Variants in MMP10 observed in about 807,000 individuals in gnomAD.
MMP10 encodes matrix metallopeptidase 10.
A neutral mutation model predicts 49.1 loss-of-function variants in MMP10; 50 were observed. The ratio of observed to expected loss-of-function variants is 1.02; its 90% CI spans 0.81 to 1.29. The LOEUF (loss-of-function observed/expected upper bound fraction) is 1.29, where lower values mean the gene tolerates loss of function less well. MMP10 is among the 50% of genes most tolerant of loss of function. The pLI is 0.00. For synonymous variants in MMP10, 229 were observed against 201.6 expected (o/e 1.14, Z -1.15); for missense variants, 613 against 563.8 (o/e 1.09, Z -0.88).
In MMP10 at chr11:102,772,869, A is replaced by C; in HGVS notation, c.1204T>G (p.Phe402Val). Residue 402 changes from phenylalanine (F) to valine (V), a missense_variant, in exon 8 of 10, where the codon TTT becomes GTT. Transcript: ENST00000279441. This position sits in a 1 kb window ranked among gnomAD's most constrained non-coding sequence, Gnocchi z 4.4. ...CACCTCCAGTATTTGTCCGCTGCAA[A>C]GAAGTATGTTTTCTTCTTTTCCTTG... The part of the protein sequence containing the change: ...SDKEKKKTYF[F>V]AADKYWRFDE... 1 of 1,612,542 alleles carries C rather than the reference A, an allele frequency of 6.2e-7. No individual in the cohort carries two copies. The highest frequency in any genetic ancestry group is 8.5e-7 in the Non-Finnish European group (1 of 1,179,422).
chr11:102,779,293 A>C lies in MMP10; in HGVS notation c.416T>G (p.Val139Gly). The C allele has an allele frequency of 6.2e-7, 1 of 1,614,114 alleles. No individual in the cohort carries two copies. Among genetic ancestry groups the C allele is most frequent in the Non-Finnish European group, 8.5e-7 (1 of 1,180,002 alleles). The change falls in exon 3 of 10, where the codon GTC becomes GGC. Residue 139 changes from valine to glycine, a missense_variant. Coordinates refer to ENST00000279441, the MANE Select transcript of MMP10 (RefSeq NM_002425.3). Reference sequence around the variant, plus strand: ...TGTGAGTGGAGTCACCTCTTCCCAGACTTTCAGAGCTTTCTCAATGGCAGA... The same window carrying C: ...TGTGAGTGGAGTCACCTCTTCCCAGCCTTTCAGAGCTTTCTCAATGGCAGA... ...VDSAIEKALK[V>G]WEEVTPLTFS...
intron 4 of MMP10, 119 bp from the exon 5 acceptor site, chr11:102,776,895 T>G: frequency 2.5e-6 from 3 of 1,197,976 alleles, no homozygotes; most frequent in Non-Finnish European, 3.6e-6. Context: ...TCAGTATTTG[T>G]GGATTGGTTC....
In MMP10 at chr11:102,775,306, T is replaced by C. The variant is rs146089838; in HGVS notation, c.948A>G (p.Arg316=). The C allele has an allele frequency of 2.4e-3, 3,839 of 1,608,278 alleles. 5 individuals are homozygous for C. Among genetic ancestry groups the C allele is most frequent in the Non-Finnish European group, 3.1e-3 (3,615 of 1,177,250 alleles). ...LFFKDRYFWR[R]SHWNPEPEFH... is the part of the protein sequence containing the mutation. ...ATTCAGGTTCAGGGTTCCAGTGGGA[T>C]CTTCGCCAAAAATATCTGTAATACA... The change falls in exon 7 of 10, where the codon AGA becomes AGG. Residue 316 remains arginine (R), a synonymous_variant. Coordinates refer to ENST00000279441, the MANE Select transcript of MMP10 (RefSeq NM_002425.3).
At position 102,775,327 on chromosome 11, in the gene MMP10, A is replaced by G. The variant is rs41371849; in HGVS notation, c.933-6T>C. The G allele has an allele frequency of 8.6e-5, 136 of 1,580,838 alleles. 1 individual carries two copies. In the East Asian group the frequency reaches 3.1e-3, roughly 36 times the overall value. On this transcript the variant is annotated splice_region_variant and splice_polypyrimidine_tract_variant and intron_variant, in intron 6 of 9. Transcript: ENST00000279441. ...GGGATCTTCGCCAAAAATATCTGTA[A>G]TACATAAAATTACTTGCAATTGTCT...
rs1305532694 is a variant in MMP10 at position 102,778,655 on chromosome 11, A to G, written c.591T>C (p.Asp197=). The part of the protein sequence containing the change: ...GPGLYGDIHF[D]DDEKWTEDAS... ...CATCTTCTGTCCATTTTTCATCATC[A>G]TCAAAGTGAATATCTCCATAAAGCC... The change falls in exon 4 of 10, where the codon GAT becomes GAC. Residue 197 remains aspartate (D), a synonymous_variant. Transcript: ENST00000279441. 2.5e-6 allele frequency: 4 copies of G among 1,613,830 alleles called. No individual in the cohort carries two copies. Among genetic ancestry groups the G allele is most frequent in the Admixed American group, 3.3e-5 (2 of 59,956 alleles).
intron 4 of MMP10, 92 bp downstream of exon 4, chr11:102,778,532 A>G: frequency 2.0e-6 from 3 of 1,507,776 alleles, no homozygotes; most frequent in Non-Finnish European, 2.7e-6. Flanking sequence ...TTACTAGTAT[A>G]TTCGATTTAT....
At chr11:102,778,517 T>A (rs1015785620) in intron 4 of MMP10, 107 bp downstream of exon 4, 4 of 1,390,812 alleles carry the variant, frequency 2.9e-6, no homozygotes, top group African/African-American at 2.9e-5. Flanking sequence ...AATAAAAAAA[T>A]TCAGTTACTA....
chr11:102,778,774 A>G (rs1189104475), intron 3 of MMP10, 25 bp from the exon 4 acceptor site: 6 of 1,612,080 alleles, frequency 3.7e-6, no homozygotes, highest in Non-Finnish European at 2.5e-6. Context: ...ATTAATGGAA[A>G]TATAAGTGTT....
chr11:102,773,472 A>C (rs1861994086), intron 7 of MMP10, among the ~76,000 whole-genome samples: 1 of 152,134 alleles, frequency 6.6e-6, no homozygotes, highest in Non-Finnish European at 1.5e-5. Context: ...ATAAAATCCC[A>C]TCAATCTCTC....
Position 102,770,845 on chromosome 11 carries a change from T to C in MMP10, c.1379A>G (p.Asn460Ser). The change falls in exon 10 of 10, where the codon AAT (asparagine) becomes AGT (serine). Residue 460 changes from asparagine (N) to serine (S), a missense_variant. Coordinates refer to ENST00000279441, the MANE Select transcript of MMP10 (RefSeq NM_002425.3). ...TAATATGTGTGTCACCATCCTGGCA[T>C]TGGGGTCAAACTCAAACTGTGATGA... The part of the protein sequence containing the change: ...SGSSQFEFDP[N>S]ARMVTHILKS... 1.2e-6 allele frequency: 2 copies of C among 1,613,304 alleles called. No individual in the cohort carries two copies. The highest frequency in any genetic ancestry group is 1.7e-6 in the Non-Finnish European group (2 of 1,179,602).
intron 4 of MMP10, 142 bp from the exon 5 acceptor site, chr11:102,776,918 AT>A: frequency 1.1e-6 from 1 of 952,316 alleles, no homozygotes; most frequent in South Asian, 1.5e-5. Context: ...TGATTGGCAC[AT>A]TCCATACTTT....
intron 4 of MMP10, 44 bp from the exon 5 acceptor site, chr11:102,776,820 TC>T: frequency 6.2e-7 from 1 of 1,610,972 alleles, no homozygotes; most frequent in Non-Finnish European, 8.5e-7. Flanking sequence ...AGCTCTTTCT[TC>T]CATAAATACA....
Position 102,776,311 on chromosome 11 carries a change from G to C in MMP10, c.901C>G (p.Leu301Val). 1 of 1,613,826 alleles carries C rather than the reference G, an allele frequency of 6.2e-7. No homozygotes were observed. The highest frequency in any genetic ancestry group is 8.5e-7 in the Non-Finnish European group (1 of 1,179,834). Residue 301 changes from leucine (L) to valine (V), a missense_variant, in exon 6 of 10, where the codon CTG (leucine) becomes GTG (valine). Coordinates refer to ENST00000279441, the MANE Select transcript of MMP10 (RefSeq NM_002425.3). ...PALSFDAIST[L>V]RGEYLFFKDR... ...TTAAAGAACAGATATTCTCCCCTCA[G>C]AGTGCTGATGGCATCGAAGGACAAA... is the stretch of plus-strand genomic sequence containing the variant.
chr11:102,771,812 A>AACAC (rs61090976), intron 9 of MMP10, among the ~76,000 whole-genome samples, 200 bp downstream of exon 9: 13,093 of 150,088 alleles, frequency 0.087, 617 homozygotes, highest in Non-Finnish European at 0.11. Context: ...TATTCAGGAA[A>AACAC]ACACACACAC....
chr11:102,771,799 A>G (rs17860998), intron 9 of MMP10, among the ~76,000 whole-genome samples: 320 of 135,128 alleles, frequency 2.4e-3, no homozygotes, highest in African/African-American at 2.7e-3. Context: ...GAGACTAGGA[A>G]GTTATTCAGG....
Position 102,779,703 on chromosome 11 carries a change from G to C in MMP10, c.148C>G (p.Gln50Glu), listed in dbSNP as rs1169789602. 9 of 1,613,858 alleles carry C rather than the reference G, an allele frequency of 5.6e-6. No individual in the cohort carries two copies. The highest frequency in any genetic ancestry group is 6.8e-6 in the Non-Finnish European group (8 of 1,179,904). Residue 50 changes from glutamine to glutamate, a missense_variant, in exon 2 of 10, where the codon CAG becomes GAG. Physicochemically the swap from Gln to Glu is conservative, Grantham distance 29 (BLOSUM62 2). Transcript: ENST00000279441. ...KYYNLEKDVK[Q>E]FRRKDSNLIV... ...AGATTACTGTCCTTTCTTCTAAACT[G>C]TTTCACATCCTTTTCGAGGTTGTAG...
At position 102,779,505 on chromosome 11, in the gene MMP10, T is replaced by C; in HGVS notation, c.346A>G (p.Arg116Gly). Residue 116 changes from arginine (R) to glycine (G), a missense_variant and splice_region_variant, in exon 2 of 10, where the codon AGG (arginine) becomes GGG (glycine). Arg to Gly is a moderately radical substitution (Grantham distance 125). Coordinates refer to ENST00000279441, the MANE Select transcript of MMP10 (RefSeq NM_002425.3). ...GTGAAAACTAATCTGAACCATTACC[T>C]GTATGTAAGGTGGGTTTTCCTCCAC... The part of the protein sequence containing the change: ...PKWRKTHLTY[R>G]IVNYTPDLPR... 6.2e-7 allele frequency: 1 copy of C among 1,614,036 alleles called. No homozygotes were observed. Among genetic ancestry groups the C allele is most frequent in the Non-Finnish European group, 8.5e-7 (1 of 1,179,992 alleles).
In MMP10 at chr11:102,779,580, A is replaced by T. The variant is rs1461607323; in HGVS notation, c.271T>A (p.Cys91Ser). 1 of 1,614,032 alleles carries T rather than the reference A, an allele frequency of 6.2e-7. No individual in the cohort carries two copies. Among genetic ancestry groups the T allele is most frequent in the Admixed American group, 1.7e-5 (1 of 59,942 alleles). The part of the protein sequence containing the change: ...DTLEVMRKPR[C>S]GVPDVGHFSS... ...AAGTGACCAACGTCAGGAACTCCACACCTGGGCTTGCGCATCACCTCCAGA... is the reference window on the plus strand; with the variant it reads ...AAGTGACCAACGTCAGGAACTCCACTCCTGGGCTTGCGCATCACCTCCAGA... Residue 91 changes from cysteine to serine, a missense_variant, in exon 2 of 10, where the codon TGT becomes AGT. Physicochemically the swap from Cys to Ser is moderately radical, Grantham distance 112. Transcript: ENST00000279441.
In MMP10 at chr11:102,772,983, C is replaced by T. The variant is rs758757062; in HGVS notation, c.1090G>A (p.Gly364Arg). 3.1e-6 allele frequency: 5 copies of T among 1,609,430 alleles called. No individual in the cohort carries two copies. The highest frequency in any genetic ancestry group is 2.5e-6 in the Non-Finnish European group (3 of 1,178,280). ...GGATAACCTGCTTGTACCTCATTTC[C>T]TCTGATGGCCCAGAACTCATTTCCT... Reference protein sequence around the residue: ...FKGNEFWAIRGNEVQAGYPRG... With the variant: ...FKGNEFWAIRRNEVQAGYPRG... Residue 364 changes from glycine (G) to arginine (R), a missense_variant, in exon 8 of 10, where the codon GGA becomes AGA. Physicochemically the swap from Gly to Arg is moderately radical, Grantham distance 125. Coordinates refer to ENST00000279441, the MANE Select transcript of MMP10 (RefSeq NM_002425.3). The surrounding 1 kb of genome is among the most constrained non-coding windows in gnomAD (Gnocchi z 4.4).
Sources: allele counts gnomAD v4.1 joint callset (sites outside exome capture counted in the v4.1 genomes callset), GRCh38; gene constraint gnomAD v4.1.1; non-coding constraint Gnocchi (gnomAD v3.1); transcripts MANE v1.5; gene names NCBI Gene and HGNC (gene_info 2026-07-23, HGNC 2026-07-21).